Variants in ENTREP2 observed in about 807,000 individuals in gnomAD.
The protein encoded by ENTREP2 is protein ENTREP2.
chr15:29,391,819 G>GT, the ENTREP2 span, among the ~76,000 whole-genome samples: 61 of 152,204 alleles, frequency 4.0e-4, no homozygotes, highest in African/African-American at 1.4e-3. Flanking sequence ...TTTTGGTTTT[G>GT]TTTTTTGTTG....
the ENTREP2 span, among the ~76,000 whole-genome samples, chr15:29,566,101 G>A: frequency 6.6e-6 from 1 of 152,076 alleles, no homozygotes; most frequent in Non-Finnish European, 1.5e-5. Context: ...AGAGAATTGG[G>A]GTAGGCGAAA....
At chr15:29,432,467 G>A in the ENTREP2 span, among the ~76,000 whole-genome samples, 3 of 152,196 alleles carry the variant, frequency 2.0e-5, no homozygotes, top group African/African-American at 7.2e-5. Flanking sequence ...TTGGCCTGAA[G>A]AACTGCTCTG....
At chr15:29,326,654 A>G in the ENTREP2 span, among the ~76,000 whole-genome samples, 3 of 152,178 alleles carry the variant, frequency 2.0e-5, no homozygotes, top group African/African-American at 7.2e-5. Context: ...CTAGATCTAT[A>G]AATCCAATGC....
the ENTREP2 span, among the ~76,000 whole-genome samples, chr15:29,409,190 G>A: frequency 6.6e-6 from 1 of 152,158 alleles, no homozygotes; most frequent in African/African-American, 2.4e-5. Flanking sequence ...CCGGTTTTCA[G>A]GGTAGGCAAG....
At chr15:29,487,153 TAC>T in the ENTREP2 span, among the ~76,000 whole-genome samples, 1 of 152,198 alleles carries the variant, frequency 6.6e-6, no homozygotes, top group East Asian at 1.9e-4. Flanking sequence ...CATAAATATG[TAC>T]AGTTATTATT....
At chr15:29,385,530 G>C in the ENTREP2 span, among the ~76,000 whole-genome samples, 1 of 152,278 alleles carries the variant, frequency 6.6e-6, no homozygotes, top group South Asian at 2.1e-4. Context: ...ATGACCCCTG[G>C]TGACCCCTGG....
chr15:29,295,712 T>C, the ENTREP2 span, among the ~76,000 whole-genome samples: 2 of 152,214 alleles, frequency 1.3e-5, no homozygotes, highest in East Asian at 1.9e-4. Context: ...CTGCGATGTA[T>C]GTCTGATAAC....
the ENTREP2 span, chr15:29,375,679 G>A: frequency 6.6e-6 from 1 of 152,166 alleles, no homozygotes; most frequent in South Asian, 2.1e-4. Flanking sequence ...ACAAATTACA[G>A]TTGGAATTTC....
the ENTREP2 span, among the ~76,000 whole-genome samples, chr15:29,479,174 T>G: frequency 3.0e-5 from 4 of 131,908 alleles, no homozygotes; most frequent in Admixed American, 8.5e-5. Flanking sequence ...ACCACTGCAC[T>G]CCAGCCTGGG....
chr15:29,626,285 G>C, the ENTREP2 span, among the ~76,000 whole-genome samples: 3 of 152,136 alleles, frequency 2.0e-5, no homozygotes, highest in Admixed American at 6.6e-5. Context: ...TAATAATCCC[G>C]ACATGTCAAA....
At chr15:29,249,478 A>G in the ENTREP2 span, among the ~76,000 whole-genome samples, 1 of 152,212 alleles carries the variant, frequency 6.6e-6, no homozygotes, top group Non-Finnish European at 1.5e-5. Flanking sequence ...GACTGGAAGG[A>G]CATAATCAAC....
the ENTREP2 span, among the ~76,000 whole-genome samples, chr15:29,485,660 A>G: frequency 1.3e-5 from 2 of 152,230 alleles, no homozygotes; most frequent in African/African-American, 2.4e-5. Context: ...ACATCTCAAC[A>G]GCAAAGAACA....
chr15:29,370,757 G>A, the ENTREP2 span, among the ~76,000 whole-genome samples: 5 of 152,050 alleles, frequency 3.3e-5, no homozygotes, highest in East Asian at 1.9e-4. Flanking sequence ...AAGGAGACAC[G>A]GGCCTAGAGT....
At chr15:29,119,026 G>A in the ENTREP2 span, among the ~76,000 whole-genome samples, 5 of 152,182 alleles carry the variant, frequency 3.3e-5, no homozygotes, top group African/African-American at 1.2e-4. Context: ...GAACTGCAGA[G>A]TAAGGAGAAG....
chr15:29,170,916 T>G, the ENTREP2 span, among the ~76,000 whole-genome samples: 1 of 152,226 alleles, frequency 6.6e-6, no homozygotes, highest in South Asian at 2.1e-4. Context: ...AATGTAAGTC[T>G]ATTTGGCCCA....
At chr15:29,531,495 C>A in the ENTREP2 span, among the ~76,000 whole-genome samples, 1 of 152,132 alleles carries the variant, frequency 6.6e-6, no homozygotes, top group African/African-American at 2.4e-5. Flanking sequence ...ACATGAAGGG[C>A]AGCCCTGGGG....
At chr15:29,568,733 A>C in the ENTREP2 span, among the ~76,000 whole-genome samples, 2 of 146,544 alleles carry the variant, frequency 1.4e-5, no homozygotes, top group Non-Finnish European at 3.0e-5. Flanking sequence ...AAAAAAAAAA[A>C]AAGAATAGGT....
chr15:29,393,868 A>G, the ENTREP2 span, among the ~76,000 whole-genome samples: 1 of 152,190 alleles, frequency 6.6e-6, no homozygotes, highest in Non-Finnish European at 1.5e-5. Flanking sequence ...AGCCCCAGCA[A>G]CTATATTTCT....
chr15:29,293,392 C>T, the ENTREP2 span, among the ~76,000 whole-genome samples: 7 of 151,812 alleles, frequency 4.6e-5, no homozygotes, highest in East Asian at 1.9e-4. Flanking sequence ...GGACTACAGG[C>T]GCCCGCCACC....
Sources: allele counts gnomAD v4.1 joint callset (sites outside exome capture counted in the v4.1 genomes callset), GRCh38; gene constraint gnomAD v4.1.1; transcripts MANE v1.5; gene names NCBI Gene and HGNC (gene_info 2026-07-23, HGNC 2026-07-21).